PCIF1: variants seen among roughly 807,000 people sequenced by gnomAD.
PCIF1 encodes phosphorylated CTD interacting factor 1.
PCIF1 carries 12 observed loss-of-function variants against 86.9 expected under a neutral mutation model. The observed-to-expected ratio is 0.14, with a 90% CI of 0.09 to 0.22. The LOEUF (loss-of-function observed/expected upper bound fraction) is 0.22, where lower values mean the gene tolerates loss of function less well. Among genes scored for constraint, PCIF1 ranks in the 10% least tolerant of loss-of-function variants. The pLI is 1.00. For missense variants in PCIF1, 701 were observed against 951.1 expected (o/e 0.74, Z 3.46); for synonymous variants, 397 against 372.0 (o/e 1.07, Z -0.77).
In PCIF1 at chr20:45,943,335, C is replaced by T. The variant is rs761703253; in HGVS notation, c.822-5C>T. 17 of 1,613,938 alleles carry T rather than the reference C, an allele frequency of 1.1e-5. No homozygotes were observed. The East Asian group carries it at 1.1e-4, about 11-fold the overall frequency. On this transcript the variant is annotated splice_region_variant and splice_polypyrimidine_tract_variant and intron_variant, in intron 8 of 16. Transcript: ENST00000372409. This position sits in a 1 kb window ranked among gnomAD's most constrained non-coding sequence, Gnocchi z 5.5. ...GCCTCTAACTCTGCCCACTCTGAAACGCAGGTTATCCCGAATCAAGTTCCG... is the reference window on the plus strand; with the variant it reads ...GCCTCTAACTCTGCCCACTCTGAAATGCAGGTTATCCCGAATCAAGTTCCG...
intron 11 of PCIF1, 103 bp from the exon 12 acceptor site, chr20:45,945,608 C>G (rs908366975): frequency 3.6e-6 from 5 of 1,378,158 alleles, no homozygotes; most frequent in Admixed American, 4.3e-5. Context: ...GTATACTGAT[C>G]TGTGGAATGG....
At position 45,943,269 on chromosome 20, in the gene PCIF1, C is replaced by T. The variant is rs1484923709; in HGVS notation, c.821+25C>T. 3 of 1,613,876 alleles carry T rather than the reference C, an allele frequency of 1.9e-6. No individual in the cohort carries two copies. Among genetic ancestry groups the T allele is most frequent in the Admixed American group, 3.3e-5 (2 of 59,996 alleles). On this transcript the variant is annotated intron_variant, in intron 8 of 16. Coordinates refer to ENST00000372409, the MANE Select transcript of PCIF1 (RefSeq NM_022104.4). The surrounding 1 kb of genome is among the most constrained non-coding windows in gnomAD (Gnocchi z 5.5). ...GGTACAGCTCCACAGCTGGGGATGA[C>T]CCTGGGCCATTTGGTTTCTGTGCCC...
rs1485871983 is a variant in PCIF1 at position 45,939,268 on chromosome 20, C to A, written c.178C>A (p.Pro60Thr). Reference sequence around the variant, plus strand: ...GTGCTGGAGCCGGAGGGAGAATCGTCCCTACTACTTCAACCGATTCACCAA... The same window carrying A: ...GTGCTGGAGCCGGAGGGAGAATCGTACCTACTACTTCAACCGATTCACCAA... ...EKCWSRRENR[P>T]YYFNRFTNQS... The change falls in exon 4 of 17, where the codon CCC becomes ACC. Residue 60 changes from proline (P) to threonine (T), a missense_variant. Coordinates refer to ENST00000372409, the MANE Select transcript of PCIF1 (RefSeq NM_022104.4). 1.2e-6 allele frequency: 2 copies of A among 1,613,778 alleles called. No individual in the cohort carries two copies. Among genetic ancestry groups the A allele is most frequent in the Non-Finnish European group, 1.7e-6 (2 of 1,180,026 alleles).
chr20:45,940,696 G>C (rs1165122975), intron 5 of PCIF1, 84 bp downstream of exon 5: 5 of 1,570,908 alleles, frequency 3.2e-6, no homozygotes, highest in East Asian at 4.5e-5. Context: ...GCTGGGCATT[G>C]GCAGGCCAGC....
intron 7 of PCIF1, among the ~76,000 whole-genome samples, 181 bp downstream of exon 7, chr20:45,941,388 C>T (rs2083468517): frequency 6.6e-6 from 1 of 152,184 alleles, no homozygotes; most frequent in African/African-American, 2.4e-5. Flanking sequence ...GTATCTATAC[C>T]TTAGGATTCT....
At chr20:45,937,925 A>G (rs1251533115) in intron 2 of PCIF1, 1 of 217,974 alleles carries the variant, frequency 4.6e-6, no homozygotes, top group South Asian at 1.9e-4. Context: ...GCATGAGATA[A>G]TCAGTGTGAC....
intron 11 of PCIF1, among the ~76,000 whole-genome samples, chr20:45,945,369 A>G (rs1012347434): frequency 3.3e-5 from 5 of 151,962 alleles, no homozygotes; most frequent in African/African-American, 1.2e-4. Context: ...AAGATCCCCA[A>G]ATAAAGGATC....
rs2083524863 is a variant in PCIF1, at chr20:45,946,218, C to T, written c.1447C>T (p.Leu483Phe). 3.1e-6 allele frequency: 5 copies of T among 1,614,088 alleles called. No individual in the cohort carries two copies. In the South Asian group the frequency reaches 3.3e-5, roughly 11 times the overall value. ...TCCGCAGATGATGTTCGGCGTGGGC[C>T]TCTACGAGGGGACTGGCCTGCAGGG... ...RRYQMMFGVG[L>F]YEGTGLQGSL... The change falls in exon 14 of 17, where the codon CTC becomes TTC. Residue 483 changes from leucine (L) to phenylalanine (F), a missense_variant. Physicochemically the swap from Leu to Phe is conservative, Grantham distance 22. Transcript: ENST00000372409.
rs1274783304 is a variant in PCIF1, at chr20:45,946,393, C to T, written c.1613+9C>T. On this transcript the variant is annotated intron_variant, in intron 14 of 16. Coordinates refer to ENST00000372409, the MANE Select transcript of PCIF1 (RefSeq NM_022104.4). ...TACTTTGGCTCCCGCGGGTGAGGGC[C>T]AAGGGCTGCCCCTCTACCCAGGCCA... 2 of 1,611,568 alleles carry T rather than the reference C, an allele frequency of 1.2e-6. No homozygotes were observed.
chr20:45,945,277 T>A (rs1323451430), intron 11 of PCIF1, among the ~76,000 whole-genome samples: 1 of 152,248 alleles, frequency 6.6e-6, no homozygotes, highest in East Asian at 1.9e-4. Flanking sequence ...CAAGCCTTAC[T>A]TTCCCCAGAC....
Position 45,947,766 on chromosome 20 carries a change from G to C in PCIF1, c.*11G>C, listed in dbSNP as rs373792855. 1 of 1,591,872 alleles carries C rather than the reference G, an allele frequency of 6.3e-7. No homozygotes were observed. The highest frequency in any genetic ancestry group is 1.1e-5 in the South Asian group (1 of 89,836). ...CCTCACCCCACTTAACATATCCTGC[G>C]GGGAGGAGGAGCCCCAGGGGTGCTA... On this transcript the variant is annotated 3_prime_UTR_variant, in exon 17 of 17. Coordinates refer to ENST00000372409, the MANE Select transcript of PCIF1 (RefSeq NM_022104.4). This position sits in a 1 kb window ranked among gnomAD's most constrained non-coding sequence, Gnocchi z 5.4.
chr20:45,941,335 C>T, intron 7 of PCIF1, 128 bp downstream of exon 7: 2 of 1,095,398 alleles, frequency 1.8e-6, no homozygotes, highest in South Asian at 1.6e-5. Context: ...CAGTGCACTC[C>T]AGCCTGAGTG....
At chr20:45,945,142 T>C in intron 11 of PCIF1, 112 bp downstream of exon 11, 1 of 1,275,918 alleles carries the variant, frequency 7.8e-7, no homozygotes, top group East Asian at 2.6e-5. Context: ...GGGCAGAACC[T>C]GCCTGTGTCC....
At chr20:45,946,828 G>A (rs1022125676) in intron 14 of PCIF1, among the ~76,000 whole-genome samples, 1 of 152,218 alleles carries the variant, frequency 6.6e-6, no homozygotes, top group Non-Finnish European at 1.5e-5. Context: ...TGTGGTGGTG[G>A]TGGGCTCAGA....
intron 10 of PCIF1, among the ~76,000 whole-genome samples, chr20:45,944,151 ACTC>A (rs1487814935): frequency 2.6e-5 from 4 of 151,512 alleles, no homozygotes; most frequent in African/African-American, 9.7e-5. Flanking sequence ...TCAATTCCCT[ACTC>A]TTAATGTGTC....
Position 45,948,011 on chromosome 20 carries a change from A to AC in PCIF1, c.*263dup, listed in dbSNP as rs535208844. 1.3e-4 allele frequency: 194 copies of AC among 1,472,236 alleles called. No homozygotes were observed. The African/African-American group carries it at 1.8e-3, about 14-fold the overall frequency. 91.2% of individuals were successfully genotyped at this position (1,472,236 alleles called of 1,614,324 possible). A position where few individuals can be genotyped will look rare whatever the true frequency, so the allele number is the denominator to read the frequency against. On this transcript the variant is annotated 3_prime_UTR_variant, in exon 17 of 17. Transcript: ENST00000372409. ...TTCATTTGTAAAAGGAAATACAGAA[A>AC]CCCCCCCAAGAATGTGTGAGGGTCT...
At position 45,945,993 on chromosome 20, in the gene PCIF1, C is replaced by T. The variant is rs550691995; in HGVS notation, c.1342-36C>T. ...CCAGTGATGAGGACATGAGGGAGCA[C>T]TGCTGAAGGCTCCTCCTCTCTGTCC... On this transcript the variant is annotated intron_variant, in intron 12 of 16. Transcript: ENST00000372409. The T allele has an allele frequency of 3.1e-6, 5 of 1,612,976 alleles. No homozygotes were observed. The South Asian group carries it at 3.3e-5, about 11-fold the overall frequency.
At chr20:45,944,797 G>A in intron 10 of PCIF1, 71 bp from the exon 11 acceptor site, 1 of 1,532,002 alleles carries the variant, frequency 6.5e-7, no homozygotes, top group East Asian at 2.3e-5. Flanking sequence ...CAACAGCCCT[G>A]CGGTTACCTG....
At position 45,938,982 on chromosome 20, in the gene PCIF1, T is replaced by TCGGAC. The variant is rs1387214160; in HGVS notation, c.-17_-16insGGACC. 3.1e-6 allele frequency: 5 copies of TCGGAC among 1,612,676 alleles called. No homozygotes were observed. The highest frequency in any genetic ancestry group is 4.2e-6 in the Non-Finnish European group (5 of 1,179,516). ...ACTCTTTGGTCCTCTGTGTGGCAGG[T>TCGGAC]CCTGTGTGGGTGTGGAGATGGCCAA... On this transcript the variant is annotated splice_region_variant and 5_prime_UTR_variant, in exon 3 of 17. Coordinates refer to ENST00000372409, the MANE Select transcript of PCIF1 (RefSeq NM_022104.4).
Sources: allele counts gnomAD v4.1 joint callset (sites outside exome capture counted in the v4.1 genomes callset), GRCh38; gene constraint gnomAD v4.1.1; non-coding constraint Gnocchi (gnomAD v3.1); transcripts MANE v1.5; gene names NCBI Gene and HGNC (gene_info 2026-07-23, HGNC 2026-07-21).